Variants in WNT16 observed in about 807,000 individuals in gnomAD.
The protein encoded by WNT16 is Wnt family member 16.
WNT16 carries 20 observed loss-of-function variants against 35.4 expected under a neutral mutation model. The ratio of observed to expected loss-of-function variants is 0.56; its 90% CI spans 0.40 to 0.82. WNT16 has a LOEUF of 0.82. WNT16 is among the 40% of genes least tolerant of loss of function. The pLI is 0.00. For synonymous variants in WNT16, 180 were observed against 179.2 expected (o/e 1.00, Z -0.03); for missense variants, 461 against 466.0 (o/e 0.99, Z 0.10).
At chr7:121,326,036 C>T (rs1793239259), upstream of WNT16, among the ~76,000 whole-genome samples, 1 of 57,796 alleles carries the variant, frequency 1.7e-5, no homozygotes, top group Non-Finnish European at 2.9e-5. Flanking sequence ...GATACCTCAT[C>T]TCAAAAAAAA....
chr7:121,331,269 GA>G, intron 2 of WNT16, among the ~76,000 whole-genome samples: 1 of 152,140 alleles, frequency 6.6e-6, no homozygotes, highest in East Asian at 1.9e-4. Context: ...AATTTCAAAA[GA>G]AAAGCAATCT....
At chr7:121,331,999 T>G in intron 3 of WNT16, 35 bp downstream of exon 3, 2 of 1,602,488 alleles carry the variant, frequency 1.2e-6, no homozygotes, top group Middle Eastern at 3.3e-4. Flanking sequence ...CAAAACCCAG[T>G]GCTGTTAGGT....
At chr7:121,332,356 G>C (rs1398335622) in intron 3 of WNT16, among the ~76,000 whole-genome samples, 1 of 152,062 alleles carries the variant, frequency 6.6e-6, no homozygotes, top group African/African-American at 2.4e-5. Flanking sequence ...ACTGATATGA[G>C]TTAAACCGTG....
intron 3 of WNT16, among the ~76,000 whole-genome samples, chr7:121,337,886 G>C (rs1041505519): frequency 6.6e-6 from 1 of 152,094 alleles, no homozygotes; most frequent in African/African-American, 2.4e-5. Context: ...ACTTAGAATT[G>C]AAAAAATTAC....
At chr7:121,337,442 A>G (rs1029618389) in intron 3 of WNT16, among the ~76,000 whole-genome samples, 3 of 152,216 alleles carry the variant, frequency 2.0e-5, no homozygotes, top group Admixed American at 6.5e-5. Flanking sequence ...GACCCCTGTC[A>G]TTTTATTGTT....
rs1793523659 is a variant in WNT16, at chr7:121,340,963, AT to A, written c.*1619del. On this transcript the variant is annotated 3_prime_UTR_variant, in exon 4 of 4. Coordinates refer to ENST00000222462, the MANE Select transcript of WNT16 (RefSeq NM_057168.2). ...ATTTTCTTATTAATAAGATAAAGAA[AT>A]GTTTCCCTGCCCCACAGTCTTCATT... The A allele has an allele frequency of 6.6e-6, 1 of 152,138 alleles. No homozygotes were observed. 9.4% of individuals were successfully genotyped at this position (152,138 alleles called of 1,614,324 possible).
chr7:121,335,503 G>T (rs925529806), intron 3 of WNT16, among the ~76,000 whole-genome samples: 3 of 151,900 alleles, frequency 2.0e-5, no homozygotes, highest in Non-Finnish European at 4.4e-5. Context: ...TGTTAATATC[G>T]TTATAAACCT....
rs910776850 is a variant in WNT16, at chr7:121,340,767, C to T, written c.*1422C>T. ...AGTGGTCTTTCTTGTTTTTAATATTCATGCATGTATATTCATCATATTTTA... is the reference window on the plus strand; with the variant it reads ...AGTGGTCTTTCTTGTTTTTAATATTTATGCATGTATATTCATCATATTTTA... On this transcript the variant is annotated 3_prime_UTR_variant, in exon 4 of 4. Transcript: ENST00000222462. 6.6e-6 allele frequency: 1 copy of T among 152,234 alleles called. No individual in the cohort carries two copies. Among genetic ancestry groups the T allele is most frequent in the Admixed American group, 6.6e-5 (1 of 15,250 alleles). 9.4% of individuals were successfully genotyped at this position (152,234 alleles called of 1,614,324 possible). A position where few individuals can be genotyped will look rare whatever the true frequency, so the allele number is the denominator to read the frequency against.
chr7:121,325,688 T>TAC (rs1020947633), upstream of WNT16, among the ~76,000 whole-genome samples: 10 of 151,910 alleles, frequency 6.6e-5, no homozygotes, highest in South Asian at 6.2e-4. Context: ...TCTCTCTCTA[T>TAC]ACACACACAC....
intron 3 of WNT16, 62 bp downstream of exon 3, chr7:121,332,026 A>C: frequency 6.4e-7 from 1 of 1,573,530 alleles, no homozygotes; most frequent in South Asian, 1.2e-5. Context: ...CTAGGATTAC[A>C]CATCTGCATG....
chr7:121,336,869 T>G (rs1426115797), intron 3 of WNT16, among the ~76,000 whole-genome samples: 1 of 152,164 alleles, frequency 6.6e-6, no homozygotes. Flanking sequence ...AGAAACAGCT[T>G]TAAGTCACTA....
upstream of WNT16, among the ~76,000 whole-genome samples, chr7:121,328,845 C>T (rs1419122168): frequency 6.6e-6 from 1 of 152,158 alleles, no homozygotes; most frequent in Non-Finnish European, 1.5e-5. Flanking sequence ...GGCCAGTGCC[C>T]GGAGCGCCCC....
At chr7:121,332,863 T>C (rs1364782256) in intron 3 of WNT16, among the ~76,000 whole-genome samples, 2 of 152,094 alleles carry the variant, frequency 1.3e-5, no homozygotes, top group Non-Finnish European at 2.9e-5. Flanking sequence ...TACCATCCTT[T>C]ATGAATTCTA....
chr7:121,326,889 G>A (rs930147904), upstream of WNT16, among the ~76,000 whole-genome samples: 17 of 152,066 alleles, frequency 1.1e-4, no homozygotes, highest in Non-Finnish European at 1.3e-4. Flanking sequence ...CCCGGAGATT[G>A]CCTCCCCACT....
chr7:121,330,220 G>C (rs935862233), intron 2 of WNT16, among the ~76,000 whole-genome samples: 1 of 152,218 alleles, frequency 6.6e-6, no homozygotes, highest in Admixed American at 6.5e-5. Flanking sequence ...AACCAACTCC[G>C]CTGCGCACCA....
chr7:121,339,088 A>G lies in WNT16; in HGVS notation c.841A>G (p.Lys281Glu). Residue 281 changes from lysine to glutamate, a missense_variant, in exon 4 of 4, where the codon AAG becomes GAG. Lys to Glu is a moderately conservative substitution (Grantham distance 56, BLOSUM62 1). Coordinates refer to ENST00000222462, the MANE Select transcript of WNT16 (RefSeq NM_057168.2). Reference protein sequence around the residue: ...EKDQRKIPIHKDDLLYVNKSP... With the variant: ...EKDQRKIPIHEDDLLYVNKSP... The stretch of plus-strand genomic sequence containing the variant: ...AGATCAGAGGAAAATACCAATCCAT[A>G]AGGATGATCTGCTCTATGTTAATAA... 6.2e-7 allele frequency: 1 copy of G among 1,614,196 alleles called. No homozygotes were observed. Among genetic ancestry groups the G allele is most frequent in the South Asian group, 1.1e-5 (1 of 91,088 alleles).
chr7:121,327,349 C>CT (rs34420179), upstream of WNT16, among the ~76,000 whole-genome samples: 48,557 of 121,574 alleles, frequency 0.4, 11,921 homozygotes, highest in East Asian at 0.81. Flanking sequence ...CTATCTAATC[C>CT]TTTTTTTTTT....
intron 3 of WNT16, among the ~76,000 whole-genome samples, chr7:121,335,986 TTG>T (rs36224614): frequency 0.33 from 46,559 of 139,784 alleles, 8,040 homozygotes; most frequent in East Asian, 0.46. Flanking sequence ...GAATTAAACT[TTG>T]TGTGTGTGTG....
At chr7:121,326,140 C>T (rs1398063711), upstream of WNT16, among the ~76,000 whole-genome samples, 1 of 149,452 alleles carries the variant, frequency 6.7e-6, no homozygotes, top group Non-Finnish European at 1.5e-5. Context: ...TTAATTTCCT[C>T]ATCTGTAAAG....
Sources: gnomAD v4.1 joint callset for allele counts (sites outside exome capture counted in the v4.1 genomes callset) on GRCh38, gnomAD v4.1.1 for gene constraint, MANE v1.5 for transcripts, NCBI Gene and HGNC (gene_info 2026-07-23, HGNC 2026-07-21) for gene names.